The following TMEM65 variants were observed in gnomAD, a reference collection of about 807,000 sequenced individuals.
TMEM65 encodes transmembrane protein 65.
TMEM65 carries 22 observed loss-of-function variants against 25.4 expected under a neutral mutation model. The observed-to-expected ratio is 0.86, with a 90% CI of 0.62 to 1.23. The LOEUF is 1.23. TMEM65 is among the 50% of genes most tolerant of loss of function. TMEM65 has a pLI of 0.00. For synonymous variants in TMEM65, 132 were observed against 126.2 expected (o/e 1.05, Z -0.31); for missense variants, 262 against 308.2 (o/e 0.85, Z 1.12).
At chr8:124,324,782 G>C (rs1422642840) in intron 3 of TMEM65, among the ~76,000 whole-genome samples, 1 of 152,000 alleles carries the variant, frequency 6.6e-6, no homozygotes, top group African/African-American at 2.4e-5. Context: ...GGGGGCAATG[G>C]ACTATCCACT....
chr8:124,316,889 A>G (rs1814244147), intron 6 of TMEM65, among the ~76,000 whole-genome samples: 1 of 152,318 alleles, frequency 6.6e-6, no homozygotes, highest in South Asian at 2.1e-4. Context: ...CCCAAAATTA[A>G]CATTCTACTT....
At chr8:124,354,193 G>T (rs7829851) in intron 1 of TMEM65, among the ~76,000 whole-genome samples, 55,031 of 151,982 alleles carry the variant, frequency 0.36, 10,682 homozygotes, top group Non-Finnish European at 0.44. Context: ...CAAGATCAAT[G>T]CAACTCAAGG....
At chr8:124,357,829 C>CTT (rs35830531) in intron 1 of TMEM65, among the ~76,000 whole-genome samples, 23,769 of 105,766 alleles carry the variant, frequency 0.22, 3,785 homozygotes, top group African/African-American at 0.32. Context: ...ACTTTTTTAT[C>CTT]TTTTTTTTTT....
chr8:124,333,470 C>CGCGTGT (rs1554589074), intron 1 of TMEM65, among the ~76,000 whole-genome samples: 9 of 149,138 alleles, frequency 6.0e-5, no homozygotes, highest in African/African-American at 2.2e-4. Context: ...TGTGTGTGTG[C>CGCGTGT]GTGTGTGTGT....
intron 1 of TMEM65, 113 bp downstream of exon 1, chr8:124,371,741 A>AGGG: frequency 9.6e-7 from 1 of 1,044,756 alleles, no homozygotes; most frequent in Non-Finnish European, 1.3e-6. Context: ...GGGGGGCGGA[A>AGGG]GGGGGGCGGC....
At chr8:124,317,755 C>G (rs1814255891) in intron 6 of TMEM65, among the ~76,000 whole-genome samples, 1 of 152,172 alleles carries the variant, frequency 6.6e-6, no homozygotes, top group Admixed American at 6.5e-5. Flanking sequence ...GATTATATTA[C>G]ATTACATAAG....
At chr8:124,327,215 A>C (rs1250009413) in intron 3 of TMEM65, 139 bp downstream of exon 3, 20 of 614,572 alleles carry the variant, frequency 3.3e-5, no homozygotes, top group Non-Finnish European at 4.9e-5. Context: ...AAATTGAGCT[A>C]TAGTCTGAGA....
chr8:124,320,209 A>G lies in TMEM65; in HGVS notation c.516-18T>C. ...CTGCAAGTCTTTGAAGAAACAAGAC[A>G]ATATGATATATAGGTTATGTTTCAA... On this transcript the variant is annotated intron_variant, in intron 5 of 6. Coordinates refer to ENST00000297632, the MANE Select transcript of TMEM65 (RefSeq NM_194291.3). 3 of 1,569,346 alleles carry G rather than the reference A, an allele frequency of 1.9e-6. No individual in the cohort carries two copies. The highest frequency in any genetic ancestry group is 2.6e-6 in the Non-Finnish European group (3 of 1,141,364).
chr8:124,363,764 G>A (rs1024937575), intron 1 of TMEM65, among the ~76,000 whole-genome samples: 9 of 148,846 alleles, frequency 6.0e-5, no homozygotes, highest in South Asian at 2.1e-4. Context: ...GTGAACCCGG[G>A]AGGCGGAGCT....
rs1428658232 is a variant in TMEM65, at chr8:124,307,650, G to C, written c.*6310C>G. ...CATTATATGACAATTTAAAGCAAAA[G>C]GAAGGTGAAGGATCTAAATCTAGAG... On this transcript the variant is annotated 3_prime_UTR_variant, in exon 7 of 7. Coordinates refer to ENST00000297632, the MANE Select transcript of TMEM65 (RefSeq NM_194291.3). 6.6e-6 allele frequency: 1 copy of C among 152,034 alleles called. No individual in the cohort carries two copies. Among genetic ancestry groups the C allele is most frequent in the Non-Finnish European group, 1.5e-5 (1 of 68,004 alleles). The allele number at this position is 152,034 out of a possible 1,614,324, so 9.4% of individuals were successfully genotyped here.
intron 1 of TMEM65, among the ~76,000 whole-genome samples, chr8:124,335,949 G>A (rs941459149): frequency 1.3e-5 from 2 of 151,720 alleles, no homozygotes; most frequent in East Asian, 1.9e-4. Flanking sequence ...CTACAAAAAC[G>A]AACAAAAAAA....
chr8:124,337,013 CAT>C (rs1814516916), intron 1 of TMEM65, among the ~76,000 whole-genome samples: 1 of 151,816 alleles, frequency 6.6e-6, no homozygotes, highest in Non-Finnish European at 1.5e-5. Flanking sequence ...AATTCAACAA[CAT>C]AGGTGAAATG....
At chr8:124,343,777 T>C (rs1814611116) in intron 1 of TMEM65, among the ~76,000 whole-genome samples, 1 of 152,164 alleles carries the variant, frequency 6.6e-6, no homozygotes, top group African/African-American at 2.4e-5. Context: ...CTGTGTTCCT[T>C]TTCTGTTTAT....
At chr8:124,337,738 A>G (rs1814529576) in intron 1 of TMEM65, among the ~76,000 whole-genome samples, 1 of 152,046 alleles carries the variant, frequency 6.6e-6, no homozygotes, top group South Asian at 2.1e-4. Context: ...ATGAGGAAGT[A>G]GAGTTTTAAG....
intron 4 of TMEM65, 152 bp from the exon 5 acceptor site, chr8:124,322,299 A>C (rs1814313458): frequency 1.4e-4 from 74 of 527,080 alleles, no homozygotes; most frequent in Middle Eastern, 5.2e-4. Context: ...TCTTACTCTC[A>C]AGGTTTTGAA....
intron 6 of TMEM65, among the ~76,000 whole-genome samples, chr8:124,318,703 T>A (rs921090929): frequency 3.3e-5 from 5 of 152,028 alleles, no homozygotes; most frequent in Non-Finnish European, 5.9e-5. Flanking sequence ...AATAGATAGG[T>A]CTAAGATGAA....
Position 124,372,391 on chromosome 8 carries a change from T to G in TMEM65, c.-234A>C. 1 of 196,110 alleles carries G rather than the reference T, an allele frequency of 5.1e-6. No homozygotes were observed. The highest frequency in any genetic ancestry group is 9.8e-6 in the Non-Finnish European group (1 of 102,222). The allele number at this position is 196,110 out of a possible 1,614,324, so 12.1% of individuals were successfully genotyped here. On this transcript the variant is annotated 5_prime_UTR_variant, in exon 1 of 7. Transcript: ENST00000297632. ...TCCCGCCCCTCCGATGGGAAAAACT[T>G]TCTCTGAGACGGCCGGGCCCGGACA...
chr8:124,310,166 A>G lies in TMEM65; in HGVS notation c.*3794T>C, dbSNP rs1306846291. On this transcript the variant is annotated 3_prime_UTR_variant, in exon 7 of 7. Coordinates refer to ENST00000297632, the MANE Select transcript of TMEM65 (RefSeq NM_194291.3). The stretch of plus-strand genomic sequence containing the variant: ...TCAAGACTCCATCTCAAAAAAAAGT[A>G]TATTTGCTTTTCTGTGTTCTCTTCC... The G allele has an allele frequency of 6.6e-6, 1 of 152,290 alleles. No homozygotes were observed. Among genetic ancestry groups the G allele is most frequent in the East Asian group, 1.9e-4 (1 of 5,204 alleles). 9.4% of individuals were successfully genotyped at this position (152,290 alleles called of 1,614,324 possible).
intron 1 of TMEM65, among the ~76,000 whole-genome samples, chr8:124,357,988 C>T (rs1032499506): frequency 5.3e-5 from 8 of 151,868 alleles, no homozygotes; most frequent in Admixed American, 2.0e-4. Context: ...TGCCACCACG[C>T]CCAGCTAGTT....
Sources: allele counts gnomAD v4.1 joint callset (sites outside exome capture counted in the v4.1 genomes callset), GRCh38; gene constraint gnomAD v4.1.1; transcripts MANE v1.5; gene names NCBI Gene and HGNC (gene_info 2026-07-23, HGNC 2026-07-21).